Variants in CREBRF observed in about 807,000 individuals in gnomAD.
CREBRF encodes UPF0474 protein C5orf41.
Under a neutral mutation model 66.1 loss-of-function variants are expected in CREBRF, and 5 were observed. The observed-to-expected ratio is 0.08, with a 90% confidence interval of 0.04 to 0.16. CREBRF has a LOEUF of 0.16. Ranked by LOEUF, CREBRF falls within the 10% of genes least tolerant of loss-of-function variation. The pLI is 1.00. For synonymous variants in CREBRF, 229 were observed against 264.4 expected (o/e 0.87, Z 1.30); for missense variants, 531 against 744.9 (o/e 0.71, Z 3.34).
At chr5:173,105,984 G>A (rs1329408259) in intron 4 of CREBRF, among the ~76,000 whole-genome samples, 1 of 152,104 alleles carries the variant, frequency 6.6e-6, no homozygotes, top group Non-Finnish European at 1.5e-5. Flanking sequence ...CCAAAACTAG[G>A]TTGATAACTA....
At chr5:173,108,574 T>A in intron 4 of CREBRF, 50 bp from the exon 5 acceptor site, 2 of 1,498,438 alleles carry the variant, frequency 1.3e-6, no homozygotes, top group Non-Finnish European at 1.8e-6. Flanking sequence ...TTGTTCTGAT[T>A]GATTTATTGA....
chr5:173,088,782 CTGAG>C (rs1317016122), intron 3 of CREBRF, among the ~76,000 whole-genome samples: 2 of 152,044 alleles, frequency 1.3e-5, no homozygotes, highest in East Asian at 1.9e-4. Context: ...AACTGGAAAA[CTGAG>C]TGCTCAAATG....
intron 8 of CREBRF, among the ~76,000 whole-genome samples, chr5:173,125,995 T>TGGCAACCC (rs1360383794): frequency 6.6e-6 from 1 of 152,180 alleles, no homozygotes; most frequent in Non-Finnish European, 1.5e-5. Context: ...CTGGGCAACA[T>TGGCAACCC]GGCAACCCAT....
At chr5:173,074,488 G>C (rs1757701180) in intron 1 of CREBRF, among the ~76,000 whole-genome samples, 1 of 152,040 alleles carries the variant, frequency 6.6e-6, no homozygotes, top group Admixed American at 6.6e-5. Flanking sequence ...GATCACTTTT[G>C]AGATTTAGTA....
intron 1 of CREBRF, among the ~76,000 whole-genome samples, chr5:173,077,562 T>A (rs1169015573): frequency 6.6e-6 from 1 of 152,074 alleles, no homozygotes; most frequent in Non-Finnish European, 1.5e-5. Context: ...CTGGCTAATT[T>A]TTGTATTTTT....
At chr5:173,089,571 C>T (rs556168770) in intron 3 of CREBRF, among the ~76,000 whole-genome samples, 59 of 151,472 alleles carry the variant, frequency 3.9e-4, no homozygotes, top group Non-Finnish European at 2.4e-4. Context: ...CCTGTAATCC[C>T]AGCAATTTGG....
chr5:173,074,861 T>C (rs1166933969), intron 1 of CREBRF, among the ~76,000 whole-genome samples: 1 of 152,194 alleles, frequency 6.6e-6, no homozygotes, highest in Non-Finnish European at 1.5e-5. Flanking sequence ...CCTCACGTGA[T>C]CTGCCTGCCT....
chr5:173,087,925 G>A (rs1194632981), intron 3 of CREBRF, among the ~76,000 whole-genome samples: 12 of 151,610 alleles, frequency 7.9e-5, no homozygotes, highest in Non-Finnish European at 1.2e-4. Context: ...CCAGGCTCAA[G>A]CGATTCTCCT....
chr5:173,123,427 AT>A (rs1759189807), intron 8 of CREBRF: 1 of 413,696 alleles, frequency 2.4e-6, no homozygotes. Context: ...CTATTTTAAC[AT>A]TTAAGAAAAA....
At chr5:173,096,222 G>A (rs1581684916) in intron 4 of CREBRF, among the ~76,000 whole-genome samples, 1 of 152,218 alleles carries the variant, frequency 6.6e-6, no homozygotes, top group East Asian at 1.9e-4. Context: ...GCCCGCCTTG[G>A]CCTCTCAAAG....
At chr5:173,069,053 C>T (rs1249281365) in intron 1 of CREBRF, among the ~76,000 whole-genome samples, 2 of 151,694 alleles carry the variant, frequency 1.3e-5, no homozygotes, top group Non-Finnish European at 2.9e-5. Context: ...GCCTGGGCGA[C>T]AGAGGGAGAC....
At chr5:173,084,510 A>G (rs920158772) in intron 2 of CREBRF, among the ~76,000 whole-genome samples, 2 of 152,198 alleles carry the variant, frequency 1.3e-5, no homozygotes, top group Admixed American at 1.3e-4. Flanking sequence ...ACGATACACA[A>G]TTACTCAAAA....
chr5:173,095,512 A>G (rs1216212777), intron 4 of CREBRF, among the ~76,000 whole-genome samples: 1 of 152,084 alleles, frequency 6.6e-6, no homozygotes, highest in Non-Finnish European at 1.5e-5. Flanking sequence ...GCTTTGTAAT[A>G]TATTTTGAAA....
chr5:173,066,254 C>A (rs1426075012), intron 1 of CREBRF, among the ~76,000 whole-genome samples: 5 of 152,194 alleles, frequency 3.3e-5, no homozygotes, highest in Admixed American at 3.3e-4. Flanking sequence ...GACTAATTAT[C>A]CATTTCTGTG....
Position 173,133,996 on chromosome 5 carries a change from G to C in CREBRF, c.*251G>C, listed in dbSNP as rs1030117292. The C allele has an allele frequency of 4.1e-6, 1 of 241,592 alleles. No individual in the cohort carries two copies. The highest frequency in any genetic ancestry group is 2.3e-5 in the African/African-American group (1 of 44,232). 15.0% of individuals were successfully genotyped at this position (241,592 alleles called of 1,614,324 possible). A position where few individuals can be genotyped will look rare whatever the true frequency, so the allele number is the denominator to read the frequency against. On this transcript the variant is annotated 3_prime_UTR_variant, in exon 9 of 9. Transcript: ENST00000296953. ...AAATCATATGTTTAAGTAAATGTTA[G>C]GTACAGATTACAAAAATCTGTTAAA...
intron 4 of CREBRF, among the ~76,000 whole-genome samples, chr5:173,101,024 C>G (rs1388396770): frequency 6.6e-6 from 1 of 152,102 alleles, no homozygotes; most frequent in African/African-American, 2.4e-5. Context: ...TTGTGAAGGA[C>G]AGCTGGCTTG....
chr5:173,113,938 T>G (rs1344074018), intron 7 of CREBRF, among the ~76,000 whole-genome samples: 1 of 152,036 alleles, frequency 6.6e-6, no homozygotes, highest in Non-Finnish European at 1.5e-5. Flanking sequence ...GCCTCAAAAA[T>G]TGTCCTCTTC....
At chr5:173,121,378 A>G (rs1287392086) in intron 7 of CREBRF, among the ~76,000 whole-genome samples, 5 of 149,296 alleles carry the variant, frequency 3.3e-5, no homozygotes, top group African/African-American at 1.2e-4. Flanking sequence ...GCTGGAGTGC[A>G]GTGGCGCAGT....
At chr5:173,082,950 G>T (rs1758009722) in intron 2 of CREBRF, among the ~76,000 whole-genome samples, 1 of 123,406 alleles carries the variant, frequency 8.1e-6, no homozygotes, top group African/African-American at 3.0e-5. Flanking sequence ...AAAAAAACCG[G>T]GTGCAGTGGC....
Sources: gnomAD v4.1 joint callset for allele counts (sites outside exome capture counted in the v4.1 genomes callset) on GRCh38, gnomAD v4.1.1 for gene constraint, MANE v1.5 for transcripts, NCBI Gene and HGNC (gene_info 2026-07-23, HGNC 2026-07-21) for gene names.